The following ABCC8 variants were observed in gnomAD, a reference collection of about 807,000 sequenced individuals.
The protein encoded by ABCC8 is ATP binding cassette subfamily C member 8, also known as ATP-binding cassette sub-family C member 8.
In ABCC8, 137 loss-of-function variants were observed where a neutral mutation model predicts 188.0. The ratio of observed to expected loss-of-function variants is 0.73; its 90% confidence interval spans 0.63 to 0.84. ABCC8 has a LOEUF of 0.84. ABCC8 is among the 40% of genes least tolerant of loss of function. The probability of loss-of-function intolerance (pLI) is 0.00; values close to 1 mark genes in which losing one functional copy is unlikely to be tolerated. For synonymous variants in ABCC8, 797 were observed against 846.5 expected (o/e 0.94, Z 1.01); for missense variants, 1,750 against 2,072.7 (o/e 0.84, Z 3.02).
intron 16 of ABCC8, among the ~76,000 whole-genome samples, chr11:17,423,949 TC>T (rs1955467430): frequency 6.6e-6 from 1 of 152,224 alleles, no homozygotes; most frequent in Admixed American, 6.5e-5. Flanking sequence ...CACCTCAGTT[TC>T]CTAATCTGAT....
intron 6 of ABCC8, among the ~76,000 whole-genome samples, chr11:17,459,463 C>T (rs1363254845): frequency 2.6e-5 from 4 of 152,306 alleles, no homozygotes; most frequent in African/African-American, 7.2e-5. Flanking sequence ...GTTCAGCTGA[C>T]TAATTATGTC....
intron 2 of ABCC8, 184 bp from the exon 3 acceptor site, chr11:17,470,406 T>G: frequency 2.3e-6 from 1 of 441,352 alleles, no homozygotes; most frequent in South Asian, 9.5e-5. Context: ...GTACATGGAG[T>G]AGAGCTGGGT....
chr11:17,437,299 C>T (rs1489858481), intron 10 of ABCC8, among the ~76,000 whole-genome samples: 1 of 152,122 alleles, frequency 6.6e-6, no homozygotes, highest in Non-Finnish European at 1.5e-5. Context: ...TCACCCACTC[C>T]CCCTGGCTTT....
rs1334410283 is a variant in ABCC8 at position 17,453,165 on chromosome 11, T to G, written c.1130A>C (p.Tyr377Ser). The G allele has an allele frequency of 3.1e-6, 5 of 1,614,090 alleles. No individual in the cohort carries two copies. The highest frequency in any genetic ancestry group is 4.2e-6 in the Non-Finnish European group (5 of 1,180,014). Residue 377 changes from tyrosine to serine, a missense_variant, in exon 7 of 39, where the codon TAC (tyrosine) becomes TCC (serine). Tyr to Ser is a moderately radical substitution (Grantham distance 144). Transcript: ENST00000389817. Reference sequence around the variant, plus strand: ...AATTCCAGTTTCAATGGCCACATAGTAGGATGCTTGCAGAAATGTCCTTTG... The same window carrying G: ...AATTCCAGTTTCAATGGCCACATAGGAGGATGCTTGCAGAAATGTCCTTTG... ...LLQRTFLQASYYVAIETGINL... is the reference protein window; with the variant it reads ...LLQRTFLQASSYVAIETGINL...
In ABCC8 at chr11:17,404,698, G is replaced by C. The variant is rs1411600567; in HGVS notation, c.3400-29C>G. 4 of 1,577,562 alleles carry C rather than the reference G, an allele frequency of 2.5e-6. No homozygotes were observed. Among genetic ancestry groups the C allele is most frequent in the Non-Finnish European group, 3.4e-6 (4 of 1,162,012 alleles). On this transcript the variant is annotated intron_variant, in intron 27 of 38. Coordinates refer to ENST00000389817, the MANE Select transcript of ABCC8 (RefSeq NM_000352.6). The surrounding 1 kb of genome is among the most constrained non-coding windows in gnomAD (Gnocchi z 4.7). ...AGGGAGACGAGGGGGAGAGAGTGAG[G>C]TGAATTTTGGTATTGACTGTGTTTA...
At chr11:17,434,123 CT>C (rs1955972753) in intron 10 of ABCC8, among the ~76,000 whole-genome samples, 1 of 152,188 alleles carries the variant, frequency 6.6e-6, no homozygotes, top group African/African-American at 2.4e-5. Context: ...CGCCCCTCCC[CT>C]ATGGGGTCAG....
chr11:17,431,334 C>T (rs1029125392), intron 11 of ABCC8, among the ~76,000 whole-genome samples: 1 of 152,210 alleles, frequency 6.6e-6, no homozygotes, highest in African/African-American at 2.4e-5. Context: ...AGAGTGATTA[C>T]GAAACTGCAC....
At chr11:17,463,727 C>T (rs1476763359) in intron 3 of ABCC8, 123 bp from the exon 4 acceptor site, 41 of 1,290,706 alleles carry the variant, frequency 3.2e-5, no homozygotes, top group Non-Finnish European at 4.2e-5. Context: ...TGTACATTTC[C>T]GAGTAAGTGG....
intron 30 of ABCC8, 149 bp from the exon 31 acceptor site, chr11:17,397,946 G>C (rs915150090): frequency 1.0e-5 from 15 of 1,470,032 alleles, no homozygotes; most frequent in Non-Finnish European, 1.1e-5. Context: ...ACACACACAA[G>C]GGCTGCGAAG....
At chr11:17,412,147 C>T (rs1290530579) in intron 21 of ABCC8, among the ~76,000 whole-genome samples, 1 of 152,178 alleles carries the variant, frequency 6.6e-6, no homozygotes, top group African/African-American at 2.4e-5. Flanking sequence ...CTGCCTCGGC[C>T]TCCCAAAGTG....
At chr11:17,395,473 G>T in intron 35 of ABCC8, 137 bp downstream of exon 35, 1 of 1,463,522 alleles carries the variant, frequency 6.8e-7, no homozygotes, top group Non-Finnish European at 9.2e-7. Context: ...GCCTGGGCCT[G>T]ATGGGATGGA....
intron 16 of ABCC8, 192 bp from the exon 17 acceptor site, chr11:17,417,154 G>T: frequency 1.2e-6 from 1 of 803,210 alleles, no homozygotes; most frequent in Non-Finnish European, 1.5e-6. Flanking sequence ...CACCTGGATG[G>T]GTACCCTCCA....
At chr11:17,423,144 G>C (rs1325403045) in intron 16 of ABCC8, among the ~76,000 whole-genome samples, 1 of 151,888 alleles carries the variant, frequency 6.6e-6, no homozygotes, top group Non-Finnish European at 1.5e-5. Flanking sequence ...GGATCATGAG[G>C]TCAGGAGTTC....
chr11:17,443,491 G>T (rs1956406530), intron 8 of ABCC8, 179 bp from the exon 9 acceptor site: 1 of 984,766 alleles, frequency 1.0e-6, no homozygotes, highest in Non-Finnish European at 1.5e-6. Flanking sequence ...ATTTCAAAAG[G>T]AGGTTAGCAT....
chr11:17,458,148 T>C (rs112855886), intron 6 of ABCC8, among the ~76,000 whole-genome samples: 26 of 152,184 alleles, frequency 1.7e-4, no homozygotes, highest in African/African-American at 6.0e-4. Flanking sequence ...GGAGACTATA[T>C]TTACTTTCAA....
At chr11:17,460,435 A>G in intron 6 of ABCC8, 53 bp downstream of exon 6, 1 of 1,612,688 alleles carries the variant, frequency 6.2e-7, no homozygotes, top group Admixed American at 1.7e-5. Flanking sequence ...CACTCTCAGA[A>G]ACAACTGAAA....
chr11:17,411,248 T>C (rs1954791256), intron 21 of ABCC8, among the ~76,000 whole-genome samples: 1 of 152,244 alleles, frequency 6.6e-6, no homozygotes. Flanking sequence ...TTCCTGATTA[T>C]GGCACTCCCA....
Position 17,450,314 on chromosome 11 carries a change from CT to C in ABCC8, c.1177-1644del, listed in dbSNP as rs1278208271. Among the ~76,000 whole-genome samples the C allele has an allele frequency of 8.2e-5, 10 of 121,634 alleles. No homozygotes were observed. In the East Asian group the frequency reaches 2.2e-3, roughly 27 times the overall value. 79.8% of individuals were successfully genotyped at this position (121,634 alleles called of 152,430 possible). A position where few individuals can be genotyped will look rare whatever the true frequency, so the allele number is the denominator to read the frequency against. ...TCTTTCTTTCTTTCTTTCTTTCTTT[CT>C]TTCTTTCTTTCTCTCTCTCTCTTTC... On this transcript the variant is annotated intron_variant, in intron 7 of 38. Transcript: ENST00000389817.
At chr11:17,410,377 TA>T in intron 22 of ABCC8, 138 bp downstream of exon 22, 1 of 981,022 alleles carries the variant, frequency 1.0e-6, no homozygotes, top group Non-Finnish European at 1.6e-6. Flanking sequence ...CCAGCATGCA[TA>T]AAGCCATCCA....
Sources: gnomAD v4.1 joint callset for allele counts (sites outside exome capture counted in the v4.1 genomes callset) on GRCh38, gnomAD v4.1.1 for gene constraint, Gnocchi (gnomAD v3.1) non-coding constraint, MANE v1.5 for transcripts, NCBI Gene and HGNC (gene_info 2026-07-23, HGNC 2026-07-21) for gene names.